RAPGEF4: variants seen among roughly 807,000 people sequenced by gnomAD.
RAPGEF4 encodes RAP guanine-nucleotide-exchange factor (GEF) 4.
Under a neutral mutation model 147.9 loss-of-function variants are expected in RAPGEF4, and 66 were observed. The ratio of observed to expected loss-of-function variants is 0.45; its 90% CI spans 0.37 to 0.55. RAPGEF4 has a LOEUF of 0.55. Among genes scored for constraint, RAPGEF4 ranks in the 20% least tolerant of loss-of-function variants. The pLI, the probability that RAPGEF4 is intolerant of heterozygous loss-of-function variation, is 0.00. For synonymous variants in RAPGEF4, 419 were observed against 442.7 expected (o/e 0.95, Z 0.67); for missense variants, 1,071 against 1,257.3 (o/e 0.85, Z 2.24).
intron 15 of RAPGEF4, 89 bp from the exon 16 acceptor site, chr2:172,996,377 T>TAAAAAA: frequency 1.7e-6 from 1 of 576,394 alleles, no homozygotes; most frequent in Non-Finnish European, 2.8e-6. Context: ...GATCTCAAAT[T>TAAAAAA]AAAAAAAAAA....
At chr2:172,918,568 C>T (rs563776901) in intron 5 of RAPGEF4, among the ~76,000 whole-genome samples, 2 of 152,234 alleles carry the variant, frequency 1.3e-5, no homozygotes, top group East Asian at 1.9e-4. Context: ...GGCTGGTCAG[C>T]AAAGAAACGA....
At chr2:172,994,361 G>C (rs183103877) in intron 15 of RAPGEF4, among the ~76,000 whole-genome samples, 1 of 152,174 alleles carries the variant, frequency 6.6e-6, no homozygotes, top group Non-Finnish European at 1.5e-5. Flanking sequence ...GCGTCTTGCT[G>C]TACAAGCAGA....
intron 4 of RAPGEF4, among the ~76,000 whole-genome samples, chr2:172,902,684 C>T (rs936816446): frequency 2.1e-4 from 32 of 152,172 alleles, no homozygotes; most frequent in Admixed American, 8.5e-4. Context: ...AGCCTTTATG[C>T]TGGGGAAATG....
intron 4 of RAPGEF4, among the ~76,000 whole-genome samples, chr2:172,859,623 G>A (rs1255876141): frequency 1.3e-5 from 2 of 152,322 alleles, no homozygotes; most frequent in East Asian, 1.9e-4. Context: ...AAACATTTAA[G>A]CATGTGTATA....
At chr2:172,874,005 C>G (rs1695560704) in intron 4 of RAPGEF4, among the ~76,000 whole-genome samples, 1 of 152,208 alleles carries the variant, frequency 6.6e-6, no homozygotes, top group Non-Finnish European at 1.5e-5. Flanking sequence ...GAGATACCGT[C>G]TCACACCAGT....
chr2:173,021,321 G>A (rs563042447), intron 23 of RAPGEF4, among the ~76,000 whole-genome samples: 1 of 152,206 alleles, frequency 6.6e-6, no homozygotes, highest in Non-Finnish European at 1.5e-5. Context: ...CCAGAATTTG[G>A]TATGTAGGTG....
intron 4 of RAPGEF4, among the ~76,000 whole-genome samples, chr2:172,846,144 A>AT (rs1222763168): frequency 2.0e-5 from 3 of 152,186 alleles, no homozygotes; most frequent in African/African-American, 7.2e-5. Context: ...TAATTCAATG[A>AT]TTTTTAGTAT....
intron 1 of RAPGEF4, among the ~76,000 whole-genome samples, chr2:172,769,722 A>G (rs1286487389): frequency 1.3e-5 from 2 of 152,194 alleles, no homozygotes; most frequent in Non-Finnish European, 2.9e-5. Context: ...GTTCCCAGAT[A>G]AAATATATGA....
chr2:172,832,920 C>CA (rs1690516490), intron 4 of RAPGEF4, among the ~76,000 whole-genome samples: 2 of 152,132 alleles, frequency 1.3e-5, no homozygotes, highest in African/African-American at 4.8e-5. Context: ...CCCCAGATTT[C>CA]AAAAAAATAT....
At chr2:172,914,731 C>A (rs1683860321) in intron 4 of RAPGEF4, among the ~76,000 whole-genome samples, 1 of 152,170 alleles carries the variant, frequency 6.6e-6, no homozygotes, top group Non-Finnish European at 1.5e-5. Flanking sequence ...TCATTTTACA[C>A]TGCTATAAGC....
intron 4 of RAPGEF4, among the ~76,000 whole-genome samples, chr2:172,819,461 CTTTTT>C (rs1242605865): frequency 1.1e-5 from 1 of 87,008 alleles, no homozygotes. Flanking sequence ...ATTTTTAGTT[CTTTTT>C]TTTTTTTTTT....
Position 172,961,172 on chromosome 2 carries a change from T to C in RAPGEF4, c.642T>C (p.Ile214=). ...LRAGKILRNA[I]LSRAPHMIRD... ...CTGGAAAAATTTTACGAAATGCCAT[T>C]CTCTCTCGAGCACCTCACATGATAA... Residue 214 remains isoleucine, a synonymous_variant, in exon 8 of 31, where the codon ATT becomes ATC. Transcript: ENST00000397081. 1 of 1,613,324 alleles carries C rather than the reference T, an allele frequency of 6.2e-7. No homozygotes were observed. The highest frequency in any genetic ancestry group is 8.5e-7 in the Non-Finnish European group (1 of 1,179,302).
At chr2:172,915,471 C>T (rs1051213830) in intron 4 of RAPGEF4, among the ~76,000 whole-genome samples, 1 of 151,290 alleles carries the variant, frequency 6.6e-6, no homozygotes, top group Non-Finnish European at 1.5e-5. Context: ...GAGGCCGAGG[C>T]GGGTGGATTG....
chr2:173,007,473 T>C lies in RAPGEF4; in HGVS notation c.1658+6129T>C, dbSNP rs548912673. 3.9e-5 allele frequency among the ~76,000 whole-genome samples: 6 copies of C among 152,188 alleles called. No individual in the cohort carries two copies. The South Asian group carries it at 6.2e-4, about 16-fold the overall frequency. On this transcript the variant is annotated intron_variant, in intron 17 of 30. Transcript: ENST00000397081. ...CAGAAATGCCAGGTCTTATGAAAAA[T>C]TCCACAACAGTCCATTGAAAATATT... is the stretch of plus-strand genomic sequence containing the variant.
intron 6 of RAPGEF4, 22 bp downstream of exon 6, chr2:172,922,322 C>A: frequency 6.3e-7 from 1 of 1,595,370 alleles, no homozygotes; most frequent in Non-Finnish European, 8.6e-7. Context: ...CTCTCTCTGC[C>A]TATCTTCTAA....
rs1288112938 is a variant in RAPGEF4, at chr2:172,976,339, A to G, written c.1005-7157A>G. Among the ~76,000 whole-genome samples the G allele has an allele frequency of 4.6e-5, 7 of 152,274 alleles. 1 individual carries two copies. In the South Asian group the frequency reaches 8.3e-4, roughly 18 times the overall value. On this transcript the variant is annotated intron_variant, in intron 10 of 30. Transcript: ENST00000397081. ...TCCTGAGAGGTGAGGCAAAGAAAAA[A>G]CATGCTTTGCTGGTTTTGCTAGACA... is the stretch of plus-strand genomic sequence containing the variant.
chr2:172,855,866 G>C (rs1319658861), intron 4 of RAPGEF4, among the ~76,000 whole-genome samples: 1 of 152,000 alleles, frequency 6.6e-6, no homozygotes, highest in Non-Finnish European at 1.5e-5. Flanking sequence ...CCCCCTGGTT[G>C]CTTTTAAGTT....
At chr2:172,847,020 T>C (rs951825298) in intron 4 of RAPGEF4, among the ~76,000 whole-genome samples, 1 of 152,020 alleles carries the variant, frequency 6.6e-6, no homozygotes, top group African/African-American at 2.4e-5. Context: ...AGGTGCCCAG[T>C]GGTTGTTTGA....
chr2:172,802,762 G>A (rs1687105658), intron 3 of RAPGEF4, among the ~76,000 whole-genome samples: 1 of 152,224 alleles, frequency 6.6e-6, no homozygotes, highest in Non-Finnish European at 1.5e-5. Flanking sequence ...CTATGAGCAT[G>A]TAAAATTAAA....
Sources: allele counts gnomAD v4.1 joint callset (sites outside exome capture counted in the v4.1 genomes callset), GRCh38; gene constraint gnomAD v4.1.1; transcripts MANE v1.5; gene names NCBI Gene and HGNC (gene_info 2026-07-23, HGNC 2026-07-21).